NPFFR2: variants seen among roughly 807,000 people sequenced by gnomAD.
NPFFR2 encodes the protein G-protein coupled receptor 74.
Under a neutral mutation model 13.1 loss-of-function variants are expected in NPFFR2, and 15 were observed. The ratio of observed to expected loss-of-function variants is 1.15; its 90% CI spans 0.77 to 1.76. The LOEUF is 1.76. Among genes scored for constraint, NPFFR2 ranks in the 40% most tolerant of loss-of-function variants. The probability of loss-of-function intolerance (pLI) is 0.00; values close to 1 mark genes in which losing one functional copy is unlikely to be tolerated. For synonymous variants in NPFFR2, 190 were observed against 175.7 expected (o/e 1.08, Z -0.65); for missense variants, 572 against 503.5 (o/e 1.14, Z -1.30).
chr4:72,039,358 A>G, intron 1 of NPFFR2: 1 of 984,064 alleles, frequency 1.0e-6, no homozygotes, highest in Non-Finnish European at 1.2e-6. Flanking sequence ...GCGCCCGGCC[A>G]ATTTCCTTTC....
At chr4:72,085,225 A>G (rs939738577) in intron 1 of NPFFR2, among the ~76,000 whole-genome samples, 1 of 152,122 alleles carries the variant, frequency 6.6e-6, no homozygotes, top group African/African-American at 2.4e-5. Context: ...TTCAACTGAC[A>G]TGAGGTGGCT....
At chr4:72,118,026 G>A (rs954196752) in intron 1 of NPFFR2, among the ~76,000 whole-genome samples, 3 of 152,094 alleles carry the variant, frequency 2.0e-5, no homozygotes, top group Non-Finnish European at 4.4e-5. Context: ...AAGGAAGGGG[G>A]AAGGGCGAAA....
intron 1 of NPFFR2, among the ~76,000 whole-genome samples, chr4:72,092,142 G>A (rs1720932250): frequency 6.6e-6 from 1 of 151,982 alleles, no homozygotes; most frequent in Admixed American, 6.6e-5. Flanking sequence ...TATTTGCGTG[G>A]TTTTGTGGGT....
chr4:72,032,303 C>A, intron 1 of NPFFR2, 103 bp downstream of exon 1: 4 of 1,271,346 alleles, frequency 3.1e-6, no homozygotes, highest in Non-Finnish European at 4.3e-6. Flanking sequence ...GATTGTGGAC[C>A]GACACCTTGG....
At chr4:72,066,215 T>C (rs1720064225) in intron 1 of NPFFR2, among the ~76,000 whole-genome samples, 1 of 152,082 alleles carries the variant, frequency 6.6e-6, no homozygotes, top group Non-Finnish European at 1.5e-5. Context: ...GTGGAAGGCA[T>C]AAGGGCAAGA....
At chr4:72,046,575 A>G (rs1719388848) in intron 1 of NPFFR2, among the ~76,000 whole-genome samples, 1 of 152,146 alleles carries the variant, frequency 6.6e-6, no homozygotes, top group Admixed American at 6.5e-5. Flanking sequence ...CTCTATTATA[A>G]CAGCAGAAAA....
intron 1 of NPFFR2, among the ~76,000 whole-genome samples, chr4:72,103,339 G>A (rs1047542293): frequency 3.3e-5 from 5 of 152,044 alleles, no homozygotes; most frequent in Non-Finnish European, 5.9e-5. Flanking sequence ...AGGTCTTGAG[G>A]GCAGGATATA....
chr4:72,032,502 G>C (rs1201563756), intron 1 of NPFFR2, among the ~76,000 whole-genome samples: 1 of 152,184 alleles, frequency 6.6e-6, no homozygotes, highest in Non-Finnish European at 1.5e-5. Flanking sequence ...CTCCGGGGCT[G>C]TATTGTGTTG....
intron 1 of NPFFR2, among the ~76,000 whole-genome samples, chr4:72,041,785 G>T (rs888616206): frequency 3.9e-5 from 6 of 152,094 alleles, no homozygotes; most frequent in African/African-American, 1.4e-4. Flanking sequence ...TTGACTGCTC[G>T]TATGTCTTCT....
intron 1 of NPFFR2, among the ~76,000 whole-genome samples, chr4:72,082,347 C>T (rs1578443297): frequency 6.6e-6 from 1 of 152,174 alleles, no homozygotes; most frequent in Admixed American, 6.5e-5. Flanking sequence ...GGTATATCCT[C>T]TCTGAGTCTC....
chr4:72,046,304 G>A (rs914138445), intron 1 of NPFFR2, among the ~76,000 whole-genome samples: 9 of 152,192 alleles, frequency 5.9e-5, no homozygotes, highest in Non-Finnish European at 1.2e-4. Context: ...GACTTTAACA[G>A]ATGATTAGGT....
chr4:72,041,776 T>G (rs1297769172), intron 1 of NPFFR2, among the ~76,000 whole-genome samples: 2 of 152,270 alleles, frequency 1.3e-5, no homozygotes, highest in Non-Finnish European at 2.9e-5. Context: ...CCATGTTTGT[T>G]GACTGCTCGT....
At chr4:72,139,128 G>GT (rs1402677844) in intron 3 of NPFFR2, among the ~76,000 whole-genome samples, 1 of 151,960 alleles carries the variant, frequency 6.6e-6, no homozygotes, top group African/African-American at 2.4e-5. Context: ...TTGTAAATTT[G>GT]TTTAAGTTCT....
At chr4:72,129,482 G>A (rs1251451610) in intron 2 of NPFFR2, among the ~76,000 whole-genome samples, 3 of 93,208 alleles carry the variant, frequency 3.2e-5, no homozygotes, top group African/African-American at 8.6e-5. Context: ...AGACAAACAC[G>A]TGAACAAAGG....
intron 1 of NPFFR2, among the ~76,000 whole-genome samples, chr4:72,119,667 G>A (rs1721811271): frequency 6.6e-6 from 1 of 152,192 alleles, no homozygotes; most frequent in African/African-American, 2.4e-5. Context: ...CACCAGGGAA[G>A]TGCAAGGGGT....
intron 1 of NPFFR2, among the ~76,000 whole-genome samples, chr4:72,058,095 G>A (rs1204856011): frequency 6.6e-6 from 1 of 151,944 alleles, no homozygotes; most frequent in Non-Finnish European, 1.5e-5. Flanking sequence ...AATAATATTT[G>A]AGTAAGGTCT....
intron 3 of NPFFR2, among the ~76,000 whole-genome samples, chr4:72,143,944 C>G (rs961699824): frequency 5.9e-5 from 9 of 152,144 alleles, no homozygotes; most frequent in African/African-American, 2.2e-4. Context: ...CGTTACCTAC[C>G]TTCCCATTAA....
intron 3 of NPFFR2, among the ~76,000 whole-genome samples, chr4:72,141,420 C>T (rs946587912): frequency 7.9e-5 from 12 of 152,156 alleles, no homozygotes; most frequent in African/African-American, 2.9e-4. Flanking sequence ...TCCCTCTACA[C>T]ACTGCTTTAA....
intron 1 of NPFFR2, among the ~76,000 whole-genome samples, chr4:72,127,118 C>A (rs1265535892): frequency 6.6e-6 from 1 of 151,078 alleles, no homozygotes; most frequent in Non-Finnish European, 1.5e-5. Flanking sequence ...CTGGTTAACA[C>A]AGTGAAACCC....
Sources: allele counts gnomAD v4.1 joint callset (sites outside exome capture counted in the v4.1 genomes callset), GRCh38; gene constraint gnomAD v4.1.1; transcripts MANE v1.5; gene names NCBI Gene and HGNC (gene_info 2026-07-23, HGNC 2026-07-21).